DLGAP1: variants seen among roughly 807,000 people sequenced by gnomAD.
The protein encoded by DLGAP1 is DLG associated protein 1, also known as disks large-associated protein 1.
Under a neutral mutation model 90.8 loss-of-function variants are expected in DLGAP1, and 11 were observed. The ratio of observed to expected loss-of-function variants is 0.12; its 90% CI spans 0.08 to 0.20. DLGAP1 has a LOEUF of 0.20. DLGAP1 is among the 10% of genes least tolerant of loss of function. DLGAP1 has a pLI of 1.00. For synonymous variants in DLGAP1, 558 were observed against 540.7 expected (o/e 1.03, Z -0.44); for missense variants, 1,050 against 1,333.8 (o/e 0.79, Z 3.31).
chr18:4,373,322 A>C (rs950419222), intron 1 of DLGAP1, among the ~76,000 whole-genome samples: 7 of 152,182 alleles, frequency 4.6e-5, no homozygotes, highest in Non-Finnish European at 8.8e-5. Context: ...GATTCAGGAG[A>C]TATTAAAGAA....
chr18:3,735,310 C>G (rs1333747180), intron 6 of DLGAP1, among the ~76,000 whole-genome samples: 5 of 152,196 alleles, frequency 3.3e-5, no homozygotes, highest in African/African-American at 1.2e-4. Context: ...ACCTCTGCCT[C>G]CCAGATTCAA....
chr18:4,358,613 C>G (rs940795529), intron 1 of DLGAP1, among the ~76,000 whole-genome samples: 2 of 152,262 alleles, frequency 1.3e-5, no homozygotes, highest in Admixed American at 6.5e-5. Context: ...CCATTGTTTT[C>G]TTCATGTGAA....
At chr18:3,821,440 T>A (rs1282203364) in intron 4 of DLGAP1, among the ~76,000 whole-genome samples, 2 of 151,340 alleles carry the variant, frequency 1.3e-5, no homozygotes, top group African/African-American at 2.4e-5. Flanking sequence ...ACCAATAAAC[T>A]AAAAAAAAGA....
intron 1 of DLGAP1, among the ~76,000 whole-genome samples, chr18:4,242,070 C>T (rs2145134114): frequency 6.6e-6 from 1 of 152,184 alleles, no homozygotes; most frequent in Non-Finnish European, 1.5e-5. Flanking sequence ...CCATCAGGCG[C>T]CAGACATATC....
intron 7 of DLGAP1, among the ~76,000 whole-genome samples, chr18:3,641,590 C>T (rs531781670): frequency 3.4e-5 from 5 of 147,780 alleles, no homozygotes; most frequent in African/African-American, 7.5e-5. Context: ...TATATATACA[C>T]ACACACACAC....
At chr18:3,638,033 G>A (rs1434427641) in intron 7 of DLGAP1, among the ~76,000 whole-genome samples, 2 of 140,890 alleles carry the variant, frequency 1.4e-5, no homozygotes, top group African/African-American at 2.7e-5. Flanking sequence ...TGCAAGCTCC[G>A]CCTCCCGGGT....
At chr18:3,959,663 CA>C (rs1035437885) in intron 3 of DLGAP1, among the ~76,000 whole-genome samples, 1 of 142,344 alleles carries the variant, frequency 7.0e-6, no homozygotes, top group African/African-American at 2.6e-5. Flanking sequence ...GACTCTGTCT[CA>C]AAAAAAAAGA....
At chr18:3,632,988 T>G (rs1332957872) in intron 7 of DLGAP1, among the ~76,000 whole-genome samples, 1 of 152,162 alleles carries the variant, frequency 6.6e-6, no homozygotes, top group African/African-American at 2.4e-5. Context: ...ATCTTTACCT[T>G]TAGGGTATAA....
chr18:4,254,194 G>A (rs896387705), intron 1 of DLGAP1, among the ~76,000 whole-genome samples: 5 of 152,242 alleles, frequency 3.3e-5, no homozygotes, highest in African/African-American at 9.6e-5. Context: ...CTGATTTCTC[G>A]AAGTGATTGT....
intron 7 of DLGAP1, among the ~76,000 whole-genome samples, chr18:3,655,168 G>A (rs544547816): frequency 4.0e-5 from 6 of 151,812 alleles, no homozygotes; most frequent in African/African-American, 9.7e-5. Flanking sequence ...AAACTCACCC[G>A]AAAGCCCACT....
chr18:4,101,617 A>T (rs1194971844), intron 2 of DLGAP1, among the ~76,000 whole-genome samples: 1 of 151,282 alleles, frequency 6.6e-6, no homozygotes, highest in Non-Finnish European at 1.5e-5. Context: ...TGCCAAGCAT[A>T]AAAAAGTGAC....
At chr18:3,506,284 C>T (rs181555201) in intron 11 of DLGAP1, among the ~76,000 whole-genome samples, 4 of 147,932 alleles carry the variant, frequency 2.7e-5, no homozygotes, top group African/African-American at 1.0e-4. Context: ...GTGGCCGAGG[C>T]GGGCAGATCA....
intron 1 of DLGAP1, among the ~76,000 whole-genome samples, chr18:4,181,899 GAAGA>G (rs1019466680): frequency 6.6e-6 from 1 of 152,090 alleles, no homozygotes. Flanking sequence ...TCTTCCATTA[GAAGA>G]AACACCAGTA....
intron 3 of DLGAP1, among the ~76,000 whole-genome samples, chr18:3,882,168 G>A (rs986593366): frequency 3.9e-5 from 6 of 152,146 alleles, no homozygotes; most frequent in Non-Finnish European, 5.9e-5. Context: ...AACAAACAGA[G>A]AACAAGTTAA....
chr18:3,738,306 C>T (rs895178911), intron 6 of DLGAP1, among the ~76,000 whole-genome samples: 10 of 146,252 alleles, frequency 6.8e-5, no homozygotes, highest in East Asian at 3.9e-4. Context: ...AAAAAGAGCC[C>T]GCATCGCCAA....
chr18:3,692,710 T>G (rs931044022), intron 7 of DLGAP1, among the ~76,000 whole-genome samples: 1 of 152,238 alleles, frequency 6.6e-6, no homozygotes, highest in Non-Finnish European at 1.5e-5. Flanking sequence ...TGAGTTCACA[T>G]ATACTCCTTG....
At chr18:3,629,734 C>T (rs1256535118) in intron 7 of DLGAP1, among the ~76,000 whole-genome samples, 2 of 151,696 alleles carry the variant, frequency 1.3e-5, no homozygotes, top group Non-Finnish European at 2.9e-5. Flanking sequence ...TTTTGCTAAC[C>T]TGGTAGGTGT....
At chr18:4,189,770 T>A (rs888649218) in intron 1 of DLGAP1, among the ~76,000 whole-genome samples, 1 of 151,932 alleles carries the variant, frequency 6.6e-6, no homozygotes, top group African/African-American at 2.4e-5. Flanking sequence ...ACACAATACA[T>A]CAATAGAACA....
chr18:3,874,699 A>C, intron 4 of DLGAP1: 1 of 1,534,782 alleles, frequency 6.5e-7, no homozygotes, highest in Non-Finnish European at 8.7e-7. Flanking sequence ...TAATGTCTTC[A>C]AATCCATGTT....
Sources: gnomAD v4.1 joint callset for allele counts (sites outside exome capture counted in the v4.1 genomes callset) on GRCh38, gnomAD v4.1.1 for gene constraint, MANE v1.5 for transcripts, NCBI Gene and HGNC (gene_info 2026-07-23, HGNC 2026-07-21) for gene names.